SLC44A3: variants seen among roughly 807,000 people sequenced by gnomAD.
SLC44A3 encodes the protein solute carrier family 44 member 3, also known as choline transporter-like protein 3.
In SLC44A3, 74 loss-of-function variants were observed where a neutral mutation model predicts 75.4. The observed-to-expected ratio is 0.98, with a 90% CI of 0.81 to 1.19. SLC44A3 has a LOEUF of 1.19. Among genes scored for constraint, SLC44A3 ranks in the 50% most tolerant of loss-of-function variants. The pLI is 0.00. For synonymous variants in SLC44A3, 310 were observed against 296.9 expected (o/e 1.04, Z -0.45); for missense variants, 700 against 778.6 (o/e 0.90, Z 1.20).
chr1:94,853,157 G>A (rs539153864), intron 9 of SLC44A3, among the ~76,000 whole-genome samples: 4 of 152,308 alleles, frequency 2.6e-5, no homozygotes, highest in Non-Finnish European at 4.4e-5. Flanking sequence ...AGAGAAGACT[G>A]AAAGGGAGTG....
intron 5 of SLC44A3, among the ~76,000 whole-genome samples, chr1:94,835,433 T>G (rs1016998295): frequency 1.3e-5 from 2 of 152,262 alleles, no homozygotes; most frequent in African/African-American, 4.8e-5. Context: ...GTGACAATGT[T>G]AAATCTTAAT....
intron 9 of SLC44A3, among the ~76,000 whole-genome samples, chr1:94,847,669 T>G (rs774816808): frequency 1.3e-5 from 2 of 152,164 alleles, no homozygotes; most frequent in Non-Finnish European, 2.9e-5. Flanking sequence ...AACAAGCCTT[T>G]GTTGAAAATG....
chr1:94,841,962 G>T, intron 7 of SLC44A3, 38 bp from the exon 8 acceptor site: 1 of 1,576,538 alleles, frequency 6.3e-7, no homozygotes. Flanking sequence ...TTACCTCATG[G>T]CGTGTGCCCT....
chr1:94,878,160 A>G (rs1280279893), intron 12 of SLC44A3, among the ~76,000 whole-genome samples: 1 of 148,006 alleles, frequency 6.8e-6, no homozygotes, highest in African/African-American at 2.6e-5. Flanking sequence ...CGTGAACCCC[A>G]GGGGGCGGAG....
chr1:94,826,015 G>T, intron 3 of SLC44A3: 1 of 442,938 alleles, frequency 2.3e-6, no homozygotes, highest in Non-Finnish European at 4.6e-6. Context: ...TGGTTGAATG[G>T]ATAATCAAAA....
intron 8 of SLC44A3, among the ~76,000 whole-genome samples, chr1:94,842,861 A>G (rs1663848119): frequency 6.6e-6 from 1 of 152,220 alleles, no homozygotes; most frequent in East Asian, 1.9e-4. Flanking sequence ...TCTCACACCA[A>G]CAAAATTCTC....
chr1:94,878,713 A>G (rs1218914666), intron 12 of SLC44A3, among the ~76,000 whole-genome samples: 1 of 152,246 alleles, frequency 6.6e-6, no homozygotes, highest in Non-Finnish European at 1.5e-5. Context: ...TGGCATAAAC[A>G]TAGATACACT....
intron 12 of SLC44A3, among the ~76,000 whole-genome samples, chr1:94,868,814 G>A (rs1667448897): frequency 2.0e-5 from 3 of 152,260 alleles, no homozygotes; most frequent in African/African-American, 7.2e-5. Context: ...GGGTTGACCT[G>A]TTATCCCCTC....
chr1:94,864,609 G>C (rs1425970926), intron 10 of SLC44A3, 134 bp from the exon 11 acceptor site: 7 of 772,090 alleles, frequency 9.1e-6, no homozygotes, highest in Non-Finnish European at 1.4e-5. Flanking sequence ...CTACCAAGGA[G>C]TATAAAAAGT....
chr1:94,892,930 A>G (rs1401776856), intron 14 of SLC44A3, among the ~76,000 whole-genome samples: 1 of 152,120 alleles, frequency 6.6e-6, no homozygotes, highest in Non-Finnish European at 1.5e-5. Context: ...GTTCATACCC[A>G]CTATATTAGG....
intron 6 of SLC44A3, 32 bp downstream of exon 6, chr1:94,837,903 GTT>G (rs1182019954): frequency 6.5e-7 from 1 of 1,541,226 alleles, no homozygotes; most frequent in Non-Finnish European, 8.7e-7. Flanking sequence ...TTTAATAGTT[GTT>G]TATGGAATGC....
intron 9 of SLC44A3, among the ~76,000 whole-genome samples, chr1:94,848,598 T>A (rs1571269342): frequency 6.6e-6 from 1 of 152,092 alleles, no homozygotes; most frequent in Admixed American, 6.6e-5. Context: ...GACCCCATGA[T>A]GTTTTGGAGC....
At chr1:94,832,974 T>C (rs532954727) in intron 5 of SLC44A3, among the ~76,000 whole-genome samples, 177 of 151,648 alleles carry the variant, frequency 1.2e-3, no homozygotes, top group African/African-American at 4.0e-3. Context: ...CTCAACTTTT[T>C]TTTTTTAAAT....
chr1:94,885,037 G>C lies in SLC44A3; in HGVS notation c.1483-6093G>C, dbSNP rs368991258. ...GAGGCAGGCAGATCACATGAGGTCA[G>C]GAGTTTGAGACCAGCCTGGCCAACA... On this transcript the variant is annotated intron_variant, in intron 12 of 14. Transcript: ENST00000271227. Among the ~76,000 whole-genome samples, 548 of 152,164 alleles carry C rather than the reference G, an allele frequency of 3.6e-3. 5 individuals carry two copies. Among genetic ancestry groups the C allele is most frequent in the African/African-American group, 0.013 (523 of 41,506 alleles).
At chr1:94,849,588 T>G (rs1378392567) in intron 9 of SLC44A3, among the ~76,000 whole-genome samples, 2 of 152,152 alleles carry the variant, frequency 1.3e-5, no homozygotes, top group Non-Finnish European at 2.9e-5. Context: ...TCACCTCTTA[T>G]GAAGAGGCGC....
At chr1:94,840,172 G>C (rs563037905) in intron 7 of SLC44A3, 135 bp downstream of exon 7, 46 of 712,882 alleles carry the variant, frequency 6.5e-5, no homozygotes, top group Non-Finnish European at 9.9e-5. Flanking sequence ...CTTTACAAAT[G>C]AGAAAACTTG....
intron 5 of SLC44A3, among the ~76,000 whole-genome samples, chr1:94,829,249 C>T (rs1233193278): frequency 1.3e-5 from 2 of 151,728 alleles, no homozygotes; most frequent in African/African-American, 4.8e-5. Context: ...CGACACTGCA[C>T]TCCAGCCTGG....
intron 5 of SLC44A3, among the ~76,000 whole-genome samples, chr1:94,836,528 C>G (rs1316710214): frequency 1.3e-5 from 2 of 152,182 alleles, no homozygotes; most frequent in African/African-American, 4.8e-5. Context: ...TCTGTCTCAT[C>G]CAGTTCACAT....
At chr1:94,845,610 T>C in intron 9 of SLC44A3, 146 bp downstream of exon 9, 1 of 675,518 alleles carries the variant, frequency 1.5e-6, no homozygotes. Flanking sequence ...TGGGGCTCTG[T>C]CATGGGGAAA....
Sources: gnomAD v4.1 joint callset for allele counts (sites outside exome capture counted in the v4.1 genomes callset) on GRCh38, gnomAD v4.1.1 for gene constraint, MANE v1.5 for transcripts, NCBI Gene and HGNC (gene_info 2026-07-23, HGNC 2026-07-21) for gene names.